The following ATP6V1H variants were observed in gnomAD, a reference collection of about 807,000 sequenced individuals.
The protein encoded by ATP6V1H is V-type proton ATPase subunit H.
Under a neutral mutation model 71.7 loss-of-function variants are expected in ATP6V1H, and 39 were observed. That is an observed-to-expected ratio of 0.54 (90% CI 0.42 to 0.71). The LOEUF is 0.71. Among genes scored for constraint, ATP6V1H ranks in the 30% least tolerant of loss-of-function variants. ATP6V1H has a pLI of 0.00. For missense variants in ATP6V1H, 509 were observed against 594.9 expected (o/e 0.86, Z 1.50); for synonymous variants, 192 against 199.3 (o/e 0.96, Z 0.31).
At chr8:53,778,536 A>C (rs967050893) in intron 9 of ATP6V1H, among the ~76,000 whole-genome samples, 11 of 152,204 alleles carry the variant, frequency 7.2e-5, no homozygotes, top group African/African-American at 2.7e-4. Context: ...ATTCAGCCAT[A>C]GAAAAGAATG....
chr8:53,791,465 C>G (rs1809562792), intron 9 of ATP6V1H, among the ~76,000 whole-genome samples: 1 of 152,156 alleles, frequency 6.6e-6, no homozygotes, highest in African/African-American at 2.4e-5. Context: ...GCCACAAATC[C>G]CAGGATTGCA....
chr8:53,806,641 A>G (rs566029443), intron 7 of ATP6V1H: 4 of 173,350 alleles, frequency 2.3e-5, no homozygotes, highest in African/African-American at 7.1e-5. Flanking sequence ...TTCCGAGAAC[A>G]TAACTGATAA....
intron 13 of ATP6V1H, among the ~76,000 whole-genome samples, chr8:53,732,378 G>C (rs1333171337): frequency 6.6e-6 from 1 of 152,274 alleles, no homozygotes; most frequent in East Asian, 1.9e-4. Context: ...CTATTAAAGT[G>C]CACGTTACAG....
In ATP6V1H at chr8:53,786,853, T is replaced by C. The variant is rs183291592; in HGVS notation, c.870+8794A>G. ...ATTCAGATCTTTCTGTCAGCAAAAC[T>C]GAACTGCTGGCCTTGTAAAATATAT... On this transcript the variant is annotated intron_variant, in intron 9 of 13. Coordinates refer to ENST00000359530, the MANE Select transcript of ATP6V1H (RefSeq NM_015941.4). Among the ~76,000 whole-genome samples the C allele has an allele frequency of 2.2e-3, 338 of 152,346 alleles. 2 individuals carry two copies. The highest frequency in any genetic ancestry group is 7.9e-3 in the African/African-American group (327 of 41,584).
At chr8:53,761,730 G>A (rs1462498327) in intron 11 of ATP6V1H, among the ~76,000 whole-genome samples, 1 of 152,188 alleles carries the variant, frequency 6.6e-6, no homozygotes, top group Non-Finnish European at 1.5e-5. Context: ...GTTTAAATGA[G>A]AATAATGTAT....
chr8:53,814,638 G>A (rs769495368), intron 6 of ATP6V1H, 24 bp downstream of exon 6: 1 of 1,280,724 alleles, frequency 7.8e-7, no homozygotes, highest in Non-Finnish European at 1.1e-6. Context: ...CCTTTCAAAG[G>A]TACTTTAAAA....
intron 5 of ATP6V1H, among the ~76,000 whole-genome samples, chr8:53,816,303 C>A (rs1810447496): frequency 6.6e-6 from 1 of 152,138 alleles, no homozygotes; most frequent in Non-Finnish European, 1.5e-5. Flanking sequence ...GATTTGAAAA[C>A]TTTAAAAACA....
Position 53,832,977 on chromosome 8 carries a change from T to C in ATP6V1H, c.216+7A>G. On this transcript the variant is annotated splice_region_variant and intron_variant, in intron 3 of 13. Coordinates refer to ENST00000359530, the MANE Select transcript of ATP6V1H (RefSeq NM_015941.4). The stretch of plus-strand genomic sequence containing the variant: ...GAAGTGTTCATTATATAATGTTTAT[T>C]CATCACCTGGCTGCCTTCAGTTTGA... 1 of 1,595,660 alleles carries C rather than the reference T, an allele frequency of 6.3e-7. No individual in the cohort carries two copies. The highest frequency in any genetic ancestry group is 1.3e-5 in the African/African-American group (1 of 74,550).
chr8:53,765,324 C>A (rs986611919), intron 11 of ATP6V1H, among the ~76,000 whole-genome samples: 1 of 149,538 alleles, frequency 6.7e-6, no homozygotes, highest in Non-Finnish European at 1.5e-5. Flanking sequence ...ATCTTGCACC[C>A]GGGAGGCGGA....
intron 5 of ATP6V1H, among the ~76,000 whole-genome samples, chr8:53,817,154 G>T (rs546123038): frequency 9.9e-5 from 15 of 151,764 alleles, no homozygotes; most frequent in South Asian, 6.2e-4. Flanking sequence ...ACCTGAATGA[G>T]AATGTAATCA....
rs543149396 is a variant in ATP6V1H, at chr8:53,734,853, T to C, written c.1391+8724A>G. Among the ~76,000 whole-genome samples, 9 of 152,160 alleles carry C rather than the reference T, an allele frequency of 5.9e-5. No homozygotes were observed. In the South Asian group the frequency reaches 1.9e-3, roughly 32 times the overall value. On this transcript the variant is annotated intron_variant, in intron 13 of 13. Coordinates refer to ENST00000359530, the MANE Select transcript of ATP6V1H (RefSeq NM_015941.4). ...ATTCTAATGAAAAAAAAAAGGACTT[T>C]TGCCAGACAGAAGGAGGACAAATAA...
At chr8:53,741,089 T>C (rs1197084749) in intron 13 of ATP6V1H, among the ~76,000 whole-genome samples, 1 of 152,148 alleles carries the variant, frequency 6.6e-6, no homozygotes, top group African/African-American at 2.4e-5. Flanking sequence ...AAGAATACTC[T>C]CTCATAAAGA....
intron 11 of ATP6V1H, 24 bp downstream of exon 11, chr8:53,769,594 T>G: frequency 6.2e-7 from 1 of 1,604,954 alleles, no homozygotes; most frequent in Non-Finnish European, 8.5e-7. Context: ...ATATTAAGAG[T>G]GTAAAGTAGA....
chr8:53,831,385 A>G (rs57838567), intron 3 of ATP6V1H, among the ~76,000 whole-genome samples: 8,773 of 152,276 alleles, frequency 0.058, 758 homozygotes, highest in African/African-American at 0.19. Flanking sequence ...ATAAACATAG[A>G]AAACGTGCAG....
chr8:53,817,595 G>T, intron 4 of ATP6V1H, 65 bp from the exon 5 acceptor site: 1 of 984,354 alleles, frequency 1.0e-6, no homozygotes, highest in Non-Finnish European at 1.5e-6. Context: ...TAACGACTGT[G>T]CACCACTTCT....
chr8:53,827,327 G>A (rs549721433), intron 4 of ATP6V1H, among the ~76,000 whole-genome samples: 15 of 151,986 alleles, frequency 9.9e-5, no homozygotes, highest in Middle Eastern at 3.4e-3. Context: ...AGGTTGCAGC[G>A]AGCCGAGATC....
At chr8:53,840,095 CT>C in intron 2 of ATP6V1H, 1 of 204,236 alleles carries the variant, frequency 4.9e-6, no homozygotes, top group South Asian at 1.7e-4. Flanking sequence ...TCCTCAAAAA[CT>C]CAGTTCAGGG....
chr8:53,840,079 C>T (rs753492861), intron 2 of ATP6V1H: 18 of 234,510 alleles, frequency 7.7e-5, no homozygotes, highest in South Asian at 1.6e-4. Context: ...GGCTAAATAC[C>T]CATCATCCTC....
rs546673785 is a variant in ATP6V1H at position 53,758,953 on chromosome 8, C to G, written c.1176-2297G>C. On this transcript the variant is annotated intron_variant, in intron 11 of 13. Transcript: ENST00000359530. ...CCCAAATCACGTTGCCAATCCCTGC[C>G]TTAAACTATTCTCAGTGACTTAAGC... 4.6e-5 allele frequency among the ~76,000 whole-genome samples: 7 copies of G among 152,360 alleles called. No individual in the cohort carries two copies. In the East Asian group the frequency reaches 1.3e-3, roughly 29 times the overall value.
Sources: allele counts gnomAD v4.1 joint callset (sites outside exome capture counted in the v4.1 genomes callset), GRCh38; gene constraint gnomAD v4.1.1; transcripts MANE v1.5; gene names NCBI Gene and HGNC (gene_info 2026-07-23, HGNC 2026-07-21).